HCN1: variants seen among roughly 807,000 people sequenced by gnomAD.
HCN1 encodes hyperpolarization activated cyclic nucleotide gated potassium channel 1.
Under a neutral mutation model 78.9 loss-of-function variants are expected in HCN1, and 13 were observed. That is an observed-to-expected ratio of 0.16 (90% CI 0.11 to 0.26). HCN1 has a LOEUF of 0.26. Ranked by LOEUF, HCN1 falls within the 10% of genes least tolerant of loss-of-function variation. HCN1 has a pLI of 1.00. For synonymous variants in HCN1, 552 were observed against 455.5 expected (o/e 1.21, Z -2.70); for missense variants, 810 against 1,154.3 (o/e 0.70, Z 4.32).
intron 2 of HCN1, among the ~76,000 whole-genome samples, chr5:45,562,547 T>C (rs535607190): frequency 6.6e-6 from 1 of 152,172 alleles, no homozygotes; most frequent in African/African-American, 2.4e-5. Context: ...AGGTAAATTT[T>C]ATACACAAAT....
chr5:45,372,325 T>G (rs1242641330), intron 4 of HCN1, among the ~76,000 whole-genome samples: 2 of 99,964 alleles, frequency 2.0e-5, no homozygotes, highest in African/African-American at 8.5e-5. Flanking sequence ...AATATATATG[T>G]TATATAATAT....
chr5:45,413,111 C>T (rs1740054986), intron 3 of HCN1, among the ~76,000 whole-genome samples: 1 of 151,384 alleles, frequency 6.6e-6, no homozygotes, highest in Non-Finnish European at 1.5e-5. Flanking sequence ...AGAAAGTTGC[C>T]TAAGGACAAA....
At chr5:45,600,504 A>G (rs1439982720) in intron 2 of HCN1, among the ~76,000 whole-genome samples, 2 of 152,158 alleles carry the variant, frequency 1.3e-5, no homozygotes, top group Non-Finnish European at 2.9e-5. Context: ...ATTCTTTTGC[A>G]TGTAAAATTA....
intron 2 of HCN1, among the ~76,000 whole-genome samples, chr5:45,523,784 C>G (rs960359531): frequency 5.3e-5 from 8 of 152,056 alleles, no homozygotes; most frequent in South Asian, 2.1e-4. Context: ...GAATAGGTTG[C>G]GAAAATTTTC....
chr5:45,318,006 G>T (rs943054943), intron 5 of HCN1, among the ~76,000 whole-genome samples: 17 of 152,168 alleles, frequency 1.1e-4, no homozygotes, highest in Admixed American at 1.0e-3. Flanking sequence ...AGACAGTGTG[G>T]TGATTCCTCA....
intron 4 of HCN1, among the ~76,000 whole-genome samples, chr5:45,363,135 TATATATATAC>T (rs1747157812): frequency 9.1e-6 from 1 of 110,436 alleles, no homozygotes; most frequent in African/African-American, 4.0e-5. Flanking sequence ...TAACATATTA[TATATATATAC>T]ATATATATAT....
chr5:45,492,936 C>A (rs1331010396), intron 2 of HCN1, among the ~76,000 whole-genome samples: 7 of 152,090 alleles, frequency 4.6e-5, no homozygotes, highest in Non-Finnish European at 1.0e-4. Flanking sequence ...ATTGGTCAAG[C>A]TGGGACCTTC....
chr5:45,562,724 G>A (rs1195332606), intron 2 of HCN1, among the ~76,000 whole-genome samples: 1 of 152,030 alleles, frequency 6.6e-6, no homozygotes, highest in Non-Finnish European at 1.5e-5. Flanking sequence ...ACTAAAACCA[G>A]AATTGCCACT....
intron 4 of HCN1, among the ~76,000 whole-genome samples, chr5:45,382,884 T>C (rs1455422258): frequency 3.9e-5 from 6 of 152,180 alleles, no homozygotes; most frequent in Non-Finnish European, 8.8e-5. Context: ...TGGGGGACTT[T>C]ATTGTAATGT....
intron 6 of HCN1, among the ~76,000 whole-genome samples, chr5:45,294,057 T>C (rs763112431): frequency 2.6e-5 from 4 of 152,012 alleles, no homozygotes; most frequent in Non-Finnish European, 4.4e-5. Context: ...AAAATTGAGC[T>C]AATCAAATTG....
Position 45,696,068 on chromosome 5 carries a change from G to T in HCN1, c.26C>A (p.Ser9Tyr), listed in dbSNP as rs1282790075. Residue 9 changes from serine to tyrosine, a missense_variant, in exon 1 of 8, where the codon TCT becomes TAT. By Grantham distance (144) the Ser-to-Tyr change is moderately radical. Around this residue, in one of 6 missense-constraint regions of HCN1, gnomAD observed 170 missense variants for 166.8 expected, o/e 1.02. Transcript: ENST00000303230. Reference protein sequence around the residue: MEGGGKPNSSSNSRDDGNS... With the variant: MEGGGKPNYSSNSRDDGNS... ...GCCATCGTCCCGGCTGTTAGACGAA[G>T]AGTTGGGCTTGCCGCCTCCTTCCAT... 1 of 1,355,222 alleles carries T rather than the reference G, an allele frequency of 7.4e-7. No homozygotes were observed. Among genetic ancestry groups the T allele is most frequent in the African/African-American group, 1.5e-5 (1 of 65,410 alleles). 83.9% of individuals were successfully genotyped at this position (1,355,222 alleles called of 1,614,324 possible). A position where few individuals can be genotyped will look rare whatever the true frequency, so the allele number is the denominator to read the frequency against.
At position 45,600,399 on chromosome 5, in the gene HCN1, C is replaced by A. The variant is rs566059494; in HGVS notation, c.849+44786G>T. Among the ~76,000 whole-genome samples, 5 of 152,046 alleles carry A rather than the reference C, an allele frequency of 3.3e-5. No individual in the cohort carries two copies. In the East Asian group the frequency reaches 7.7e-4, roughly 23 times the overall value. On this transcript the variant is annotated intron_variant, in intron 2 of 7. Transcript: ENST00000303230. ...ATTCTCTTAAAATCCTAATATGTTCCCAGTATTTAATAATGGAAACATTGT... is the reference window on the plus strand; with the variant it reads ...ATTCTCTTAAAATCCTAATATGTTCACAGTATTTAATAATGGAAACATTGT...
At chr5:45,332,492 C>T (rs1462415989) in intron 5 of HCN1, among the ~76,000 whole-genome samples, 1 of 150,786 alleles carries the variant, frequency 6.6e-6, no homozygotes, top group African/African-American at 2.4e-5. Context: ...AACTAAACTT[C>T]TCAGCCTCTG....
At chr5:45,375,306 CAA>C (rs1491266858) in intron 4 of HCN1, among the ~76,000 whole-genome samples, 39 of 101,822 alleles carry the variant, frequency 3.8e-4, no homozygotes, top group East Asian at 1.0e-3. Flanking sequence ...TCATGATATA[CAA>C]TATATATAAT....
chr5:45,441,881 C>T (rs759270957), intron 3 of HCN1, among the ~76,000 whole-genome samples: 1 of 151,902 alleles, frequency 6.6e-6, no homozygotes, highest in African/African-American at 2.4e-5. Flanking sequence ...TTAAGAAAAC[C>T]CTTAATGCTC....
At chr5:45,279,977 GAACTAT>G (rs1745127789) in intron 6 of HCN1, among the ~76,000 whole-genome samples, 1 of 151,706 alleles carries the variant, frequency 6.6e-6, no homozygotes, top group Non-Finnish European at 1.5e-5. Context: ...ACATCCTCTA[GAACTAT>G]AACACTTAAA....
chr5:45,645,009 G>T, intron 2 of HCN1, 176 bp downstream of exon 2: 1 of 557,372 alleles, frequency 1.8e-6, no homozygotes, highest in South Asian at 2.6e-5. Flanking sequence ...TCCATTATTT[G>T]ATCATATATT....
intron 6 of HCN1, among the ~76,000 whole-genome samples, chr5:45,267,761 C>T (rs981962363): frequency 4.0e-5 from 6 of 151,834 alleles, no homozygotes; most frequent in African/African-American, 1.2e-4. Context: ...AGTGAGACTC[C>T]GTCTCAAAAA....
chr5:45,350,003 A>T (rs373235169), intron 5 of HCN1, among the ~76,000 whole-genome samples: 1 of 152,200 alleles, frequency 6.6e-6, no homozygotes, highest in Non-Finnish European at 1.5e-5. Context: ...AAAAAGAGGG[A>T]ATCCTCCCTA....
Sources: allele counts gnomAD v4.1 joint callset (sites outside exome capture counted in the v4.1 genomes callset), GRCh38; gene constraint gnomAD v4.1.1; regional missense constraint gnomAD v4.1.1; transcripts MANE v1.5; gene names NCBI Gene and HGNC (gene_info 2026-07-23, HGNC 2026-07-21).